Variants in CAMTA1 observed in about 807,000 individuals in gnomAD.
The protein encoded by CAMTA1 is calmodulin-binding transcription activator 1.
In CAMTA1, 27 loss-of-function variants were observed where a neutral mutation model predicts 170.9. The ratio of observed to expected loss-of-function variants is 0.16; its 90% CI spans 0.12 to 0.22. The LOEUF (loss-of-function observed/expected upper bound fraction) is 0.22, where lower values mean the gene tolerates loss of function less well. CAMTA1 is among the 10% of genes least tolerant of loss of function. The pLI, the probability that CAMTA1 is intolerant of heterozygous loss-of-function variation, is 1.00. For missense variants in CAMTA1, 1,619 were observed against 2,217.2 expected (o/e 0.73, Z 5.42); for synonymous variants, 833 against 891.5 (o/e 0.93, Z 1.17).
chr1:6,847,317 CAA>C (rs113954564), intron 3 of CAMTA1, among the ~76,000 whole-genome samples: 2,594 of 152,028 alleles, frequency 0.017, 35 homozygotes, highest in South Asian at 0.033. Context: ...GCTAGGCAGA[CAA>C]AGAGAATCAG....
At chr1:6,882,227 G>A (rs1188606948) in intron 3 of CAMTA1, among the ~76,000 whole-genome samples, 1 of 152,214 alleles carries the variant, frequency 6.6e-6, no homozygotes, top group Non-Finnish European at 1.5e-5. Flanking sequence ...ACTCTTGTGT[G>A]TATTATCTGA....
At chr1:7,717,834 A>G (rs1577152497) in intron 11 of CAMTA1, among the ~76,000 whole-genome samples, 1 of 152,192 alleles carries the variant, frequency 6.6e-6, no homozygotes, top group East Asian at 1.9e-4. Flanking sequence ...CATAGAAATG[A>G]CTCATGGAAA....
intron 6 of CAMTA1, among the ~76,000 whole-genome samples, chr1:7,603,082 T>C (rs1301152993): frequency 6.6e-6 from 1 of 152,212 alleles, no homozygotes; most frequent in African/African-American, 2.4e-5. Context: ...TTACATTTGC[T>C]GAGGAGTGCT....
chr1:7,744,532 C>T lies in CAMTA1; in HGVS notation c.4183-303C>T, dbSNP rs141512910. 8.5e-3 allele frequency among the ~76,000 whole-genome samples: 1,293 copies of T among 152,240 alleles called. 8 individuals carry two copies. Among genetic ancestry groups the T allele is most frequent in the Non-Finnish European group, 0.013 (881 of 68,016 alleles). On this transcript the variant is annotated intron_variant, in intron 16 of 22. Coordinates refer to ENST00000303635, the MANE Select transcript of CAMTA1 (RefSeq NM_015215.4). The stretch of plus-strand genomic sequence containing the variant: ...AATATTACAGGTTACTCTAGAACTG[C>T]CCAGTGTCATTAATTGGTTGACCCT...
chr1:7,530,058 T>C (rs1212310), intron 6 of CAMTA1, among the ~76,000 whole-genome samples: 79,990 of 152,054 alleles, frequency 0.53, 22,210 homozygotes, highest in Non-Finnish European at 0.62. Flanking sequence ...TCCCTGTACC[T>C]GGGGAGGGCT....
chr1:7,708,613 TCCC>T (rs1205598550), intron 11 of CAMTA1, among the ~76,000 whole-genome samples: 2 of 152,232 alleles, frequency 1.3e-5, no homozygotes, highest in Non-Finnish European at 2.9e-5. Flanking sequence ...AGTATCGTGA[TCCC>T]TGTAATTTGC....
intron 1 of CAMTA1, among the ~76,000 whole-genome samples, chr1:6,811,890 T>C (rs1467067875): frequency 6.6e-6 from 1 of 152,186 alleles, no homozygotes; most frequent in Non-Finnish European, 1.5e-5. Flanking sequence ...TTCTCTTCTT[T>C]AGTTTTGATG....
intron 4 of CAMTA1, among the ~76,000 whole-genome samples, chr1:7,182,565 G>A (rs533897948): frequency 2.0e-5 from 3 of 151,332 alleles, no homozygotes; most frequent in Non-Finnish European, 4.4e-5. Flanking sequence ...GTAAGAAAAG[G>A]TTTTCTAACA....
At chr1:7,170,776 G>T (rs1649440464) in intron 4 of CAMTA1, among the ~76,000 whole-genome samples, 1 of 152,108 alleles carries the variant, frequency 6.6e-6, no homozygotes, top group South Asian at 2.1e-4. Context: ...AACATATAGG[G>T]TTTTTTCTGG....
chr1:7,139,689 G>A (rs1645782099), intron 4 of CAMTA1, among the ~76,000 whole-genome samples: 1 of 152,194 alleles, frequency 6.6e-6, no homozygotes, highest in African/African-American at 2.4e-5. Context: ...TAGGTAGTGT[G>A]TGTCTTTTGT....
At position 7,643,415 on chromosome 1, in the gene CAMTA1, C is replaced by G. The variant is rs549098758; in HGVS notation, c.664+2862C>G. Among the ~76,000 whole-genome samples the G allele has an allele frequency of 8.5e-5, 13 of 152,314 alleles. No individual in the cohort carries two copies. In the East Asian group the frequency reaches 1.9e-3, roughly 23 times the overall value. On this transcript the variant is annotated intron_variant, in intron 7 of 22. Transcript: ENST00000303635. The stretch of plus-strand genomic sequence containing the variant: ...GGAAAAGATGCCTTTCAAGGTGGCT[C>G]CTACAGTCAGAGGCTGCTAGCCTGG...
chr1:7,665,320 A>G lies in CAMTA1; in HGVS notation c.2652+121A>G. The stretch of plus-strand genomic sequence containing the variant: ...CCTTCAGAGGAAGCTCTGGACCACA[A>G]AGATGATGCTTTCCCCTCCTTGTGT... On this transcript the variant is annotated intron_variant, in intron 9 of 22. Transcript: ENST00000303635. This position sits in a 1 kb window ranked among gnomAD's most constrained non-coding sequence, Gnocchi z 4.3. 1.4e-6 allele frequency: 1 copy of G among 739,176 alleles called. No individual in the cohort carries two copies. The highest frequency in any genetic ancestry group is 1.8e-5 in the African/African-American group (1 of 56,186). The allele number at this position is 739,176 out of a possible 1,614,324, so 45.8% of individuals were successfully genotyped here.
chr1:7,360,851 T>C (rs1035708444), intron 5 of CAMTA1, among the ~76,000 whole-genome samples: 5 of 152,208 alleles, frequency 3.3e-5, no homozygotes, highest in Non-Finnish European at 7.3e-5. Context: ...CTGCACCAAT[T>C]GGCAGTCGGG....
intron 5 of CAMTA1, among the ~76,000 whole-genome samples, chr1:7,344,971 T>G (rs966325988): frequency 3.3e-5 from 5 of 152,062 alleles, no homozygotes; most frequent in African/African-American, 4.8e-5. Context: ...CAGGATGGTC[T>G]CCATCTCCTG....
chr1:7,729,941 A>G (rs1034442028), intron 11 of CAMTA1, among the ~76,000 whole-genome samples: 2 of 152,236 alleles, frequency 1.3e-5, no homozygotes, highest in Non-Finnish European at 2.9e-5. Context: ...TCTCCAGATT[A>G]TCCCTTTGCA....
At chr1:6,790,217 A>C (rs1640671527) in intron 1 of CAMTA1, among the ~76,000 whole-genome samples, 1 of 151,818 alleles carries the variant, frequency 6.6e-6, no homozygotes, top group African/African-American at 2.4e-5. Flanking sequence ...TGGATTGTTA[A>C]CTTACAAAGA....
intron 6 of CAMTA1, among the ~76,000 whole-genome samples, chr1:7,529,578 C>A (rs2094468421): frequency 6.6e-6 from 1 of 152,154 alleles, no homozygotes; most frequent in African/African-American, 2.4e-5. Context: ...TTGCACCGTG[C>A]AGGCAGGCCC....
chr1:6,806,051 T>C (rs1912232), intron 1 of CAMTA1, among the ~76,000 whole-genome samples: 2,595 of 152,300 alleles, frequency 0.017, 34 homozygotes, highest in South Asian at 0.033. Context: ...CAGTGTGAGG[T>C]AGGCTTCCAG....
At chr1:6,832,800 A>G (rs1476235126) in intron 3 of CAMTA1, among the ~76,000 whole-genome samples, 4 of 152,248 alleles carry the variant, frequency 2.6e-5, no homozygotes, top group Admixed American at 2.0e-4. Context: ...GAAAATGCAT[A>G]TAAACAACAC....
Sources: allele counts gnomAD v4.1 joint callset (sites outside exome capture counted in the v4.1 genomes callset), GRCh38; gene constraint gnomAD v4.1.1; non-coding constraint Gnocchi (gnomAD v3.1); transcripts MANE v1.5; gene names NCBI Gene and HGNC (gene_info 2026-07-23, HGNC 2026-07-21).